The following RNF157 variants were observed in gnomAD, a reference collection of about 807,000 sequenced individuals.
RNF157 encodes the protein E3 ubiquitin ligase RNF157.
RNF157 carries 55 observed loss-of-function variants against 88.3 expected under a neutral mutation model. The observed-to-expected ratio is 0.62, with a 90% CI of 0.50 to 0.78. RNF157 has a LOEUF of 0.78. Among genes scored for constraint, RNF157 ranks in the 30% least tolerant of loss-of-function variants. RNF157 has a pLI of 0.00. For synonymous variants in RNF157, 334 were observed against 341.2 expected, an observed-to-expected ratio of 0.98 and a Z score of 0.23; for missense variants, 788 against 860.8, an observed-to-expected ratio of 0.92 and a Z score of 1.06.
At position 76,144,769 on chromosome 17, in the gene RNF157, G is replaced by C. The variant is rs1179055771; in HGVS notation, c.*466C>G. 1 of 154,766 alleles carries C rather than the reference G, an allele frequency of 6.5e-6. No individual in the cohort carries two copies. The highest frequency in any genetic ancestry group is 2.4e-5 in the African/African-American group (1 of 41,654). The allele number at this position is 154,766 out of a possible 1,614,324, so 9.6% of individuals were successfully genotyped here. On this transcript the variant is annotated 3_prime_UTR_variant, in exon 19 of 19. Coordinates refer to ENST00000269391, the MANE Select transcript of RNF157 (RefSeq NM_052916.3). ...TAGAGGGAAACGCTACGTCCGTGCA[G>C]TATGGCTCTCCCTTTCCACAGGAGC...
chr17:76,226,374 G>A (rs1454002827), intron 1 of RNF157: 1 of 1,594,088 alleles, frequency 6.3e-7, no homozygotes, highest in African/African-American at 1.3e-5. Context: ...AAACTTTCTG[G>A]GAGATGGCCA....
intron 7 of RNF157, 122 bp downstream of exon 7, chr17:76,165,380 A>T: frequency 1.1e-6 from 1 of 950,978 alleles, no homozygotes; most frequent in African/African-American, 1.6e-5. Context: ...CTCTTTCACC[A>T]TTATAGCCTC....
rs115693943 is a variant in RNF157, at chr17:76,151,037, G to A, written c.1921+1318C>T. Among the ~76,000 whole-genome samples, 1,501 of 152,340 alleles carry A rather than the reference G, an allele frequency of 9.9e-3. 34 individuals carry two copies. Among genetic ancestry groups the A allele is most frequent in the African/African-American group, 0.035 (1,448 of 41,572 alleles). On this transcript the variant is annotated intron_variant, in intron 18 of 18. Coordinates refer to ENST00000269391, the MANE Select transcript of RNF157 (RefSeq NM_052916.3). ...GACAGATGGAAGCCAGGCCAGGAGC[G>A]GGAAGGCAGGGAGTGAAGCAGCCCC...
chr17:76,198,919 C>T lies in RNF157; in HGVS notation c.207+13445G>A, dbSNP rs538734246. 2.4e-4 allele frequency among the ~76,000 whole-genome samples: 37 copies of T among 152,332 alleles called. No homozygotes were observed. The South Asian group carries it at 6.4e-3, about 26-fold the overall frequency. On this transcript the variant is annotated intron_variant, in intron 2 of 18. Coordinates refer to ENST00000269391, the MANE Select transcript of RNF157 (RefSeq NM_052916.3). ...GCTGAATCACCTGCAGTGCACACACCGTCTGTTGGTGAGATGTCTCTGTGC... is the reference window on the plus strand; with the variant it reads ...GCTGAATCACCTGCAGTGCACACACTGTCTGTTGGTGAGATGTCTCTGTGC...
chr17:76,222,019 G>A (rs1360499347), intron 1 of RNF157, among the ~76,000 whole-genome samples: 2 of 152,182 alleles, frequency 1.3e-5, no homozygotes, highest in Non-Finnish European at 2.9e-5. Context: ...GGGGGCAGGG[G>A]AGAGTGGGGA....
intron 2 of RNF157, among the ~76,000 whole-genome samples, chr17:76,191,474 G>C (rs1394997767): frequency 6.6e-6 from 1 of 151,966 alleles, no homozygotes; most frequent in Non-Finnish European, 1.5e-5. Context: ...GTGGTGGCAG[G>C]CACCTGTAAT....
chr17:76,215,503 A>G (rs1350332726), intron 1 of RNF157, among the ~76,000 whole-genome samples: 1 of 149,000 alleles, frequency 6.7e-6, no homozygotes, highest in Non-Finnish European at 1.5e-5. Flanking sequence ...GAAAAAAGAA[A>G]AGAAAAGAAA....
intron 1 of RNF157, among the ~76,000 whole-genome samples, chr17:76,227,228 C>T (rs2070108341): frequency 6.6e-6 from 1 of 150,416 alleles, no homozygotes; most frequent in Non-Finnish European, 1.5e-5. Flanking sequence ...TCAAGAGATT[C>T]TCCTGCCTCA....
Position 76,160,128 on chromosome 17 carries a change from A to C in RNF157, c.1066-555T>G, listed in dbSNP as rs2068826126. ...AGCCACCATGCCTGGCCAGAACATA[A>C]ATATTTTCCTTTGTTTCTGAAGCCT... On this transcript the variant is annotated intron_variant, in intron 11 of 18. Coordinates refer to ENST00000269391, the MANE Select transcript of RNF157 (RefSeq NM_052916.3). This position sits in a 1 kb window ranked among gnomAD's most constrained non-coding sequence, Gnocchi z 4.3. Among the ~76,000 whole-genome samples, 1 of 152,162 alleles carries C rather than the reference A, an allele frequency of 6.6e-6. No homozygotes were observed. The highest frequency in any genetic ancestry group is 2.4e-5 in the African/African-American group (1 of 41,438).
At chr17:76,154,048 A>G in intron 17 of RNF157, 1 of 521,502 alleles carries the variant, frequency 1.9e-6, no homozygotes. Flanking sequence ...TATCTCCTGC[A>G]GCACCCGCAC....
chr17:76,164,925 C>A, intron 7 of RNF157, 130 bp from the exon 8 acceptor site: 1 of 597,858 alleles, frequency 1.7e-6, no homozygotes, highest in South Asian at 2.3e-5. Flanking sequence ...TTTCAATTAC[C>A]CGCCATCAAC....
intron 1 of RNF157, among the ~76,000 whole-genome samples, chr17:76,232,780 T>G (rs922740519): frequency 6.6e-6 from 1 of 152,244 alleles, no homozygotes; most frequent in Admixed American, 6.5e-5. Context: ...CTATTTTAGT[T>G]ATCCTAATTC....
chr17:76,202,143 C>T (rs1412655882), intron 2 of RNF157, among the ~76,000 whole-genome samples: 1 of 150,206 alleles, frequency 6.7e-6, no homozygotes, highest in Non-Finnish European at 1.5e-5. Flanking sequence ...CACACACACA[C>T]ACACACACAC....
intron 8 of RNF157, 101 bp downstream of exon 8, chr17:76,164,647 G>C (rs1023766805): frequency 8.0e-6 from 5 of 625,972 alleles, no homozygotes; most frequent in African/African-American, 7.8e-5. Context: ...AGAGCAAAAA[G>C]TAAAACAAAA....
At chr17:76,194,314 A>G (rs2144955630) in intron 2 of RNF157, among the ~76,000 whole-genome samples, 1 of 152,264 alleles carries the variant, frequency 6.6e-6, no homozygotes, top group African/African-American at 2.4e-5. Context: ...AACACTCTTT[A>G]CAATGCTTAA....
intron 1 of RNF157, among the ~76,000 whole-genome samples, chr17:76,238,659 T>G (rs1187994705): frequency 6.6e-6 from 1 of 152,212 alleles, no homozygotes; most frequent in African/African-American, 2.4e-5. Context: ...CATATTTTGA[T>G]CAATAAAAGC....
chr17:76,160,621 G>GA lies in RNF157; in HGVS notation c.1065+913dup, dbSNP rs2068833322. On this transcript the variant is annotated intron_variant, in intron 11 of 18. Coordinates refer to ENST00000269391, the MANE Select transcript of RNF157 (RefSeq NM_052916.3). This position sits in a 1 kb window ranked among gnomAD's most constrained non-coding sequence, Gnocchi z 4.3. ...TTTTATCTACTGTTTTATTCAATAT[G>GA]AACTATGGCAAAGACATTAGCTTTT... is the stretch of plus-strand genomic sequence containing the variant. Among the ~76,000 whole-genome samples, 1 of 151,954 alleles carries GA rather than the reference G, an allele frequency of 6.6e-6. No individual in the cohort carries two copies. Among genetic ancestry groups the GA allele is most frequent in the Admixed American group, 6.6e-5 (1 of 15,266 alleles).
chr17:76,146,329 C>T lies in RNF157; in HGVS notation c.1922-976G>A, dbSNP rs149210134. 71 of 984,894 alleles carry T rather than the reference C, an allele frequency of 7.2e-5. No homozygotes were observed. In the East Asian group the frequency reaches 1.2e-3, roughly 17 times the overall value. 61.0% of individuals were successfully genotyped at this position (984,894 alleles called of 1,614,324 possible). On this transcript the variant is annotated intron_variant, in intron 18 of 18. Transcript: ENST00000269391. This position sits in a 1 kb window ranked among gnomAD's most constrained non-coding sequence, Gnocchi z 4.2. Reference sequence around the variant, plus strand: ...GCTGTGAGGACTAGATGAGAGAATGCGAGCGTTGGTGAGTATCTGACTCCT... The same window carrying T: ...GCTGTGAGGACTAGATGAGAGAATGTGAGCGTTGGTGAGTATCTGACTCCT...
chr17:76,217,185 T>C (rs1270341572), intron 1 of RNF157, among the ~76,000 whole-genome samples: 1 of 152,110 alleles, frequency 6.6e-6, no homozygotes, highest in Non-Finnish European at 1.5e-5. Flanking sequence ...TTGTTTTTGT[T>C]TTTCTGTAGA....
Sources: gnomAD v4.1 joint callset for allele counts (sites outside exome capture counted in the v4.1 genomes callset) on GRCh38, gnomAD v4.1.1 for gene constraint, Gnocchi (gnomAD v3.1) non-coding constraint, MANE v1.5 for transcripts, NCBI Gene and HGNC (gene_info 2026-07-23, HGNC 2026-07-21) for gene names.